Variants in MRTFB observed in about 807,000 individuals in gnomAD.
MRTFB encodes the protein myocardin related transcription factor B.
Under a neutral mutation model 104.2 loss-of-function variants are expected in MRTFB, and 29 were observed. The ratio of observed to expected loss-of-function variants is 0.28; its 90% CI spans 0.21 to 0.38. The LOEUF (loss-of-function observed/expected upper bound fraction) is 0.38, where lower values mean the gene tolerates loss of function less well. Ranked by LOEUF, MRTFB falls within the 10% of genes least tolerant of loss-of-function variation. The probability of loss-of-function intolerance (pLI) is 1.00; values close to 1 mark genes in which losing one functional copy is unlikely to be tolerated. For synonymous variants in MRTFB, 535 were observed against 519.5 expected, an observed-to-expected ratio of 1.03 and a Z score of -0.41; for missense variants, 1,270 against 1,341.6, an observed-to-expected ratio of 0.95 and a Z score of 0.83.
At chr16:14,017,657 G>GTATT in the MRTFB span, among the ~76,000 whole-genome samples, 1 of 69,394 alleles carries the variant, frequency 1.4e-5, no homozygotes, top group East Asian at 4.5e-4. Flanking sequence ...ATGTGTGTGT[G>GTATT]TGTGTGTATT....
intron 2 of MRTFB, among the ~76,000 whole-genome samples, chr16:14,136,179 C>T (rs1240737597): frequency 1.3e-5 from 2 of 151,724 alleles, no homozygotes; most frequent in African/African-American, 2.4e-5. Context: ...GAGGCTGAGG[C>T]ACTAGAATCA....
intron 3 of MRTFB, chr16:14,200,720 G>GA: frequency 6.6e-7 from 1 of 1,522,554 alleles, no homozygotes; most frequent in Non-Finnish European, 9.1e-7. Flanking sequence ...GTCAGAGGCT[G>GA]AATCAGGAAT....
chr16:14,149,900 A>T (rs1338714345), intron 3 of MRTFB, among the ~76,000 whole-genome samples: 1 of 152,234 alleles, frequency 6.6e-6, no homozygotes, highest in Non-Finnish European at 1.5e-5. Context: ...GCTCTGTTGC[A>T]CTAAATGTGT....
intron 10 of MRTFB, among the ~76,000 whole-genome samples, chr16:14,245,257 T>C (rs1430609189): frequency 2.0e-5 from 3 of 152,198 alleles, no homozygotes; most frequent in Admixed American, 1.3e-4. Flanking sequence ...CCAGCTTTGC[T>C]TTTCTTCAAG....
the MRTFB span, among the ~76,000 whole-genome samples, chr16:14,013,693 A>C: frequency 6.6e-6 from 1 of 152,226 alleles, no homozygotes; most frequent in African/African-American, 2.4e-5. Flanking sequence ...ATTGGACTGG[A>C]AAACTATTAA....
chr16:14,175,864 A>C (rs1235490666), intron 3 of MRTFB, among the ~76,000 whole-genome samples: 1 of 152,202 alleles, frequency 6.6e-6, no homozygotes, highest in Non-Finnish European at 1.5e-5. Flanking sequence ...TAGACTCAAA[A>C]GACCACATAC....
chr16:14,004,423 G>A, the MRTFB span, among the ~76,000 whole-genome samples: 600 of 152,276 alleles, frequency 3.9e-3, 1 homozygote, highest in Non-Finnish European at 6.1e-3. Flanking sequence ...AGTTGCAACC[G>A]CAGGGAGTCA....
chr16:14,126,190 GT>G (rs927682853), intron 2 of MRTFB, among the ~76,000 whole-genome samples: 10 of 150,796 alleles, frequency 6.6e-5, no homozygotes, highest in East Asian at 1.9e-4. Flanking sequence ...AAGCCAGAGG[GT>G]TTTTTTTTCC....
At chr16:14,066,799 T>C (rs2033531373), upstream of MRTFB, among the ~76,000 whole-genome samples, 1 of 151,888 alleles carries the variant, frequency 6.6e-6, no homozygotes, top group African/African-American at 2.4e-5. Flanking sequence ...CAGTTGCTAG[T>C]ACTACAGGCA....
At chr16:14,136,126 T>G (rs1184254617) in intron 2 of MRTFB, among the ~76,000 whole-genome samples, 3 of 151,836 alleles carry the variant, frequency 2.0e-5, no homozygotes, top group Non-Finnish European at 4.4e-5. Flanking sequence ...ACAGAAATAA[T>G]TAGCCGGGCG....
intron 4 of MRTFB, among the ~76,000 whole-genome samples, chr16:14,211,262 T>TCCA (rs371631727): frequency 0.027 from 4,154 of 152,096 alleles, 213 homozygotes; most frequent in African/African-American, 0.095. Context: ...GCCAGATTTC[T>TCCA]CCACCACCAC....
rs1317303445 is a variant in MRTFB, at chr16:14,213,636, C to A, written c.352+16C>A. 5.3e-6 allele frequency: 8 copies of A among 1,502,426 alleles called. No individual in the cohort carries two copies. Among genetic ancestry groups the A allele is most frequent in the Non-Finnish European group, 7.2e-6 (8 of 1,104,852 alleles). The allele number at this position is 1,502,426 out of a possible 1,614,324, so 93.1% of individuals were successfully genotyped here. On this transcript the variant is annotated intron_variant, in intron 6 of 16. Transcript: ENST00000571589. ...ATTTTAGAAGGTAAAGGATTTATTT[C>A]TTCTTAATCTGCTGTATTTTTTCAA...
intron 2 of MRTFB, among the ~76,000 whole-genome samples, chr16:14,123,279 C>G (rs1483163157): frequency 6.6e-6 from 1 of 151,450 alleles, no homozygotes; most frequent in East Asian, 1.9e-4. Flanking sequence ...TTGCTGTTCA[C>G]AAGCTCTTTA....
chr16:14,024,889 C>A, the MRTFB span, among the ~76,000 whole-genome samples: 1 of 152,148 alleles, frequency 6.6e-6, no homozygotes, highest in Non-Finnish European at 1.5e-5. Flanking sequence ...GATGAGGAAA[C>A]AAAGACACAG....
the MRTFB span, among the ~76,000 whole-genome samples, chr16:14,017,891 A>T: frequency 6.7e-6 from 1 of 149,768 alleles, no homozygotes; most frequent in African/African-American, 2.5e-5. Flanking sequence ...CTAATTTTTT[A>T]AAAACTTTTC....
chr16:14,246,358 G>A (rs1012319251), intron 11 of MRTFB, 115 bp from the exon 12 acceptor site: 2 of 936,784 alleles, frequency 2.1e-6, no homozygotes, highest in Admixed American at 2.6e-5. Flanking sequence ...ACTTTCAGGT[G>A]TGCCGTAACG....
chr16:14,014,671 T>C, the MRTFB span, among the ~76,000 whole-genome samples: 1 of 151,496 alleles, frequency 6.6e-6, no homozygotes, highest in Admixed American at 6.6e-5. Flanking sequence ...CTGGCCAACA[T>C]GGTGAAACCC....
At chr16:14,138,327 G>A (rs1405311646) in intron 2 of MRTFB, among the ~76,000 whole-genome samples, 1 of 152,048 alleles carries the variant, frequency 6.6e-6, no homozygotes, top group East Asian at 1.9e-4. Context: ...TACTATTCCT[G>A]ATGCTTTTCA....
intron 9 of MRTFB, 92 bp from the exon 10 acceptor site, chr16:14,240,145 T>G (rs2042700490): frequency 7.0e-7 from 1 of 1,434,284 alleles, no homozygotes; most frequent in African/African-American, 1.4e-5. Context: ...AAGGTACATT[T>G]CTTTTTAATT....
Sources: gnomAD v4.1 joint callset for allele counts (sites outside exome capture counted in the v4.1 genomes callset) on GRCh38, gnomAD v4.1.1 for gene constraint, MANE v1.5 for transcripts, NCBI Gene and HGNC (gene_info 2026-07-23, HGNC 2026-07-21) for gene names.